The following UNC13C variants were observed in gnomAD, a reference collection of about 807,000 sequenced individuals.
The protein encoded by UNC13C is unc-13 homolog C, also known as protein unc-13 homolog C.
UNC13C carries 174 observed loss-of-function variants against 245.4 expected under a neutral mutation model. The observed-to-expected ratio is 0.71, with a 90% CI of 0.63 to 0.80. The LOEUF is 0.80. Among genes scored for constraint, UNC13C ranks in the 30% least tolerant of loss-of-function variants. UNC13C has a pLI of 0.00. For missense variants in UNC13C, 2,829 were observed against 2,602.9 expected (o/e 1.09, Z -1.89); for synonymous variants, 992 against 895.1 (o/e 1.11, Z -1.93).
At chr15:54,422,285 T>A (rs10444833) in intron 19 of UNC13C, among the ~76,000 whole-genome samples, 5 of 151,940 alleles carry the variant, frequency 3.3e-5, no homozygotes, top group South Asian at 2.1e-4. Context: ...TACCTCCAAC[T>A]AGTTCTAGCC....
chr15:54,288,117 A>C (rs1245483302), intron 10 of UNC13C, among the ~76,000 whole-genome samples: 1 of 152,156 alleles, frequency 6.6e-6, no homozygotes, highest in African/African-American at 2.4e-5. Flanking sequence ...ATTTAGTAAG[A>C]CAGGAAATGG....
At chr15:53,898,433 C>T in the UNC13C span, among the ~76,000 whole-genome samples, 13 of 151,900 alleles carry the variant, frequency 8.6e-5, no homozygotes, top group South Asian at 2.1e-4. Context: ...CACACACAAA[C>T]GCATACACAC....
chr15:54,566,630 C>T (rs1163882802), intron 29 of UNC13C, among the ~76,000 whole-genome samples: 1 of 152,026 alleles, frequency 6.6e-6, no homozygotes, highest in Non-Finnish European at 1.5e-5. Context: ...TGCCTAATTT[C>T]TCTGGCCTAC....
intron 29 of UNC13C, among the ~76,000 whole-genome samples, chr15:54,560,073 C>T (rs1470505243): frequency 6.6e-6 from 1 of 151,836 alleles, no homozygotes; most frequent in African/African-American, 2.4e-5. Context: ...AAAAAGAAAA[C>T]TTTAGTGGCT....
intron 23 of UNC13C, 44 bp from the exon 24 acceptor site, chr15:54,511,709 T>C (rs940044628): frequency 4.4e-6 from 6 of 1,355,402 alleles, no homozygotes; most frequent in East Asian, 2.5e-5. Context: ...AATAATTTTA[T>C]ATAAAAAGAT....
intron 7 of UNC13C, among the ~76,000 whole-genome samples, chr15:54,244,206 G>C (rs367667366): frequency 3.9e-5 from 6 of 152,124 alleles, no homozygotes; most frequent in Non-Finnish European, 7.4e-5. Flanking sequence ...TGGCTAGCCA[G>C]TTCTCTAGCA....
chr15:54,598,926 C>G (rs541859277), intron 30 of UNC13C, among the ~76,000 whole-genome samples: 10 of 152,164 alleles, frequency 6.6e-5, no homozygotes, highest in African/African-American at 2.4e-4. Flanking sequence ...ATTTCTGTAA[C>G]CTTGGCATCT....
At chr15:54,170,564 C>CT (rs144574292) in intron 4 of UNC13C, among the ~76,000 whole-genome samples, 9 of 151,730 alleles carry the variant, frequency 5.9e-5, no homozygotes, top group Admixed American at 3.3e-4. Flanking sequence ...TTTTTATTTC[C>CT]TTTTTTTTCC....
intron 27 of UNC13C, among the ~76,000 whole-genome samples, chr15:54,548,322 C>T (rs1487024091): frequency 1.4e-5 from 2 of 145,912 alleles, no homozygotes; most frequent in East Asian, 2.2e-4. Context: ...CCCAGGTTCA[C>T]GCCATTCTCC....
chr15:54,057,854 A>G (rs944680892), intron 2 of UNC13C, among the ~76,000 whole-genome samples: 2 of 152,224 alleles, frequency 1.3e-5, no homozygotes, highest in Non-Finnish European at 2.9e-5. Flanking sequence ...CCTGCTCCTG[A>G]ATGACTACTG....
At chr15:54,265,306 T>C (rs2036525086) in intron 9 of UNC13C, 49 bp from the exon 10 acceptor site, 6 of 1,321,052 alleles carry the variant, frequency 4.5e-6, no homozygotes, top group Non-Finnish European at 5.9e-6. Context: ...TATTATTTTT[T>C]GTTTCTGAGG....
chr15:54,381,609 G>A (rs934483337), intron 17 of UNC13C, among the ~76,000 whole-genome samples: 1 of 151,882 alleles, frequency 6.6e-6, no homozygotes, highest in African/African-American at 2.4e-5. Flanking sequence ...TTATTCATTT[G>A]TGTCTTTTTA....
At chr15:54,367,291 C>T (rs1567219181) in intron 17 of UNC13C, among the ~76,000 whole-genome samples, 1 of 152,256 alleles carries the variant, frequency 6.6e-6, no homozygotes, top group East Asian at 1.9e-4. Flanking sequence ...GTAGCTCTCC[C>T]TGCAACTATA....
intron 30 of UNC13C, among the ~76,000 whole-genome samples, chr15:54,593,318 G>C (rs990362100): frequency 2.3e-5 from 3 of 130,758 alleles, no homozygotes; most frequent in African/African-American, 5.8e-5. Context: ...AATTTCCCAG[G>C]TGTTCTTTGT....
chr15:54,589,289 CTTTTTTTTTTTT>C (rs71105821), intron 30 of UNC13C, among the ~76,000 whole-genome samples: 1 of 53,486 alleles, frequency 1.9e-5, no homozygotes, highest in African/African-American at 6.8e-5. Context: ...TCTTCTTCTT[CTTTTTTTTTTTT>C]TTTTTTTTTT....
chr15:54,062,211 C>T (rs959963824), intron 2 of UNC13C, among the ~76,000 whole-genome samples: 5 of 151,374 alleles, frequency 3.3e-5, no homozygotes, highest in South Asian at 2.1e-4. Flanking sequence ...CCCAGCTACT[C>T]GGGAGGCTAA....
chr15:54,234,527 C>A (rs1007379534), intron 4 of UNC13C, among the ~76,000 whole-genome samples: 7 of 152,040 alleles, frequency 4.6e-5, no homozygotes, highest in African/African-American at 1.7e-4. Context: ...GGGGAACTTG[C>A]GGTATAAGGG....
chr15:53,870,856 C>G, the UNC13C span, among the ~76,000 whole-genome samples: 2 of 152,184 alleles, frequency 1.3e-5, no homozygotes, highest in African/African-American at 4.8e-5. Flanking sequence ...TAAAACAGCA[C>G]ACCATACTTC....
intron 2 of UNC13C, among the ~76,000 whole-genome samples, chr15:54,057,850 C>T (rs1246720860): frequency 6.6e-6 from 1 of 152,180 alleles, no homozygotes; most frequent in Non-Finnish European, 1.5e-5. Context: ...ACAACCTGCT[C>T]CTGAATGACT....
Sources: gnomAD v4.1 joint callset for allele counts (sites outside exome capture counted in the v4.1 genomes callset) on GRCh38, gnomAD v4.1.1 for gene constraint, MANE v1.5 for transcripts, NCBI Gene and HGNC (gene_info 2026-07-23, HGNC 2026-07-21) for gene names.